Variants in SMTN observed in about 807,000 individuals in gnomAD.
SMTN encodes smoothelin.
In SMTN, 58 loss-of-function variants were observed where a neutral mutation model predicts 102.0. The ratio of observed to expected loss-of-function variants is 0.57; its 90% CI spans 0.46 to 0.71. The LOEUF is 0.71. Among genes scored for constraint, SMTN ranks in the 30% least tolerant of loss-of-function variants. The probability of loss-of-function intolerance (pLI) is 0.00; values close to 1 mark genes in which losing one functional copy is unlikely to be tolerated. For synonymous variants in SMTN, 478 were observed against 497.9 expected (o/e 0.96, Z 0.53); for missense variants, 1,185 against 1,241.7 (o/e 0.95, Z 0.69).
Position 31,068,104 on chromosome 22 carries a change from A to T in SMTN, c.-386+3917A>T, listed in dbSNP as rs2041904742. 5 of 152,142 alleles carry T rather than the reference A, an allele frequency of 3.3e-5. No individual in the cohort carries two copies. The South Asian group carries it at 1.0e-3, about 32-fold the overall frequency. The allele number at this position is 152,142 out of a possible 1,614,324, so 9.4% of individuals were successfully genotyped here. A position where few individuals can be genotyped will look rare whatever the true frequency, so the allele number is the denominator to read the frequency against. On this transcript the variant is annotated intron_variant, in intron 1 of 3. Coordinates refer to the SMTN transcript ENST00000422839. Reference sequence around the variant, plus strand: ...TGGATCACCTGAAGTCAGGAGTTTGAGACCAACGGGCCAATATGGTGAAAC... The same window carrying T: ...TGGATCACCTGAAGTCAGGAGTTTGTGACCAACGGGCCAATATGGTGAAAC...
At chr22:31,094,904 T>C (rs1052613585) in intron 11 of SMTN, among the ~76,000 whole-genome samples, 2 of 152,142 alleles carry the variant, frequency 1.3e-5, no homozygotes, top group African/African-American at 4.8e-5. Flanking sequence ...CAGGTTGGTC[T>C]CAAACTGCTG....
chr22:31,094,663 TG>T (rs747107406), intron 11 of SMTN, among the ~76,000 whole-genome samples: 1 of 79,362 alleles, frequency 1.3e-5, no homozygotes, highest in East Asian at 2.6e-4. Context: ...TTTCCCCTTC[TG>T]TTTTTTTTTT....
chr22:31,085,015 G>A (rs2042573503), intron 2 of SMTN: 2 of 1,496,008 alleles, frequency 1.3e-6, no homozygotes, highest in Non-Finnish European at 1.8e-6. Context: ...CCGATTTGGG[G>A]ACGCGGGCAG....
At chr22:31,098,578 C>A in intron 16 of SMTN, 89 bp from the exon 17 acceptor site, 1 of 1,240,322 alleles carries the variant, frequency 8.1e-7, no homozygotes, top group Non-Finnish European at 1.1e-6. Flanking sequence ...TAGTGTGCTA[C>A]AAGACCCCCC....
At position 31,095,468 on chromosome 22, in the gene SMTN, C is replaced by A; in HGVS notation, c.1785+13C>A. 1 of 1,614,224 alleles carries A rather than the reference C, an allele frequency of 6.2e-7. No individual in the cohort carries two copies. The highest frequency in any genetic ancestry group is 8.5e-7 in the Non-Finnish European group (1 of 1,180,028). On this transcript the variant is annotated intron_variant, in intron 12 of 20. Transcript: ENST00000333137. The surrounding 1 kb of genome is among the most constrained non-coding windows in gnomAD (Gnocchi z 4.1). ...CTTGGACAAGATGGTATAGCCAGAT[C>A]CGGTGGGCTGGGGGTTGGCAGAGGC...
In SMTN at chr22:31,095,805, G is replaced by A; in HGVS notation, c.1861+196G>A. On this transcript the variant is annotated intron_variant, in intron 13 of 20. Coordinates refer to ENST00000333137, the MANE Select transcript of SMTN (RefSeq NM_134269.3). The surrounding 1 kb of genome is among the most constrained non-coding windows in gnomAD (Gnocchi z 4.1). ...CTTCCCTAGCTCCTTCTCTCCCGCT[G>A]GTGACCCCAGTTATTCTCCCCAACC... 1.7e-6 allele frequency: 1 copy of A among 599,208 alleles called. No homozygotes were observed. Among genetic ancestry groups the A allele is most frequent in the Non-Finnish European group, 3.0e-6 (1 of 338,306 alleles). 37.1% of individuals were successfully genotyped at this position (599,208 alleles called of 1,614,324 possible).
At chr22:31,088,486 G>A (rs192244815) in intron 3 of SMTN, 27 bp from the exon 4 acceptor site, 6 of 1,597,786 alleles carry the variant, frequency 3.8e-6, no homozygotes, top group Admixed American at 1.7e-5. Flanking sequence ...CATGGCAGTG[G>A]TGGTTACAGT....
At chr22:31,078,039 A>G (rs1415030738), upstream of SMTN, among the ~76,000 whole-genome samples, 1 of 152,174 alleles carries the variant, frequency 6.6e-6, no homozygotes, top group Non-Finnish European at 1.5e-5. Context: ...GGTCGTCACA[A>G]TCCTACTTCC....
chr22:31,080,925 G>A (rs2042265194), upstream of SMTN, among the ~76,000 whole-genome samples: 1 of 152,172 alleles, frequency 6.6e-6, no homozygotes, highest in Non-Finnish European at 1.5e-5. Flanking sequence ...CTTAAACACT[G>A]ACGCGAGAAA....
chr22:31,100,154 A>G (rs1569269217), intron 19 of SMTN, among the ~76,000 whole-genome samples: 1 of 149,756 alleles, frequency 6.7e-6, no homozygotes, highest in South Asian at 2.2e-4. Context: ...GGCCCTGTCC[A>G]TATCCCCTCC....
At chr22:31,099,200 G>T in intron 18 of SMTN, 21 bp downstream of exon 18, 1 of 1,553,954 alleles carries the variant, frequency 6.4e-7, no homozygotes. Flanking sequence ...GGAGGCCAGG[G>T]GGCCTGGAGG....
rs764758997 is a variant in SMTN at position 31,095,748 on chromosome 22, C to T, written c.1861+139C>T. ...TCTCCTTCTCTAGACCCAGCAGTTCCCTTGGCTATTCCCTGCTGGATCCAG... is the reference window on the plus strand; with the variant it reads ...TCTCCTTCTCTAGACCCAGCAGTTCTCTTGGCTATTCCCTGCTGGATCCAG... On this transcript the variant is annotated intron_variant, in intron 13 of 20. Coordinates refer to ENST00000333137, the MANE Select transcript of SMTN (RefSeq NM_134269.3). This position sits in a 1 kb window ranked among gnomAD's most constrained non-coding sequence, Gnocchi z 4.1. 3 of 701,146 alleles carry T rather than the reference C, an allele frequency of 4.3e-6. No individual in the cohort carries two copies. The highest frequency in any genetic ancestry group is 7.1e-6 in the Non-Finnish European group (3 of 421,046). 43.4% of individuals were successfully genotyped at this position (701,146 alleles called of 1,614,324 possible). A position where few individuals can be genotyped will look rare whatever the true frequency, so the allele number is the denominator to read the frequency against.
At chr22:31,076,470 CT>C (rs2042132981), upstream of SMTN, among the ~76,000 whole-genome samples, 1 of 152,246 alleles carries the variant, frequency 6.6e-6, no homozygotes, top group South Asian at 2.1e-4. Context: ...GGACAAATGA[CT>C]TCCCCTCTCT....
intron 20 of SMTN, chr22:31,103,480 C>T (rs1472303836): frequency 6.6e-6 from 1 of 152,252 alleles, no homozygotes; most frequent in Non-Finnish European, 1.5e-5. Context: ...TTTGCCAACA[C>T]CCAGAACTGG....
rs768489434 is a variant in SMTN at position 31,089,830 on chromosome 22, A to G, written c.603A>G (p.Ser201=). Residue 201 remains serine, a synonymous_variant, in exon 7 of 21, where the codon TCA becomes TCG. Coordinates refer to ENST00000333137, the MANE Select transcript of SMTN (RefSeq NM_134269.3). ...CCCCACCTGGGAGCACATCCAGCTC[A>G]CCTGCCTCACCCAGCAGTTCACCCA... The part of the protein sequence containing the change: ...LRAPPGSTSS[S]PASPSSSPTP... 7 of 1,613,136 alleles carry G rather than the reference A, an allele frequency of 4.3e-6. No individual in the cohort carries two copies. The highest frequency in any genetic ancestry group is 5.9e-6 in the Non-Finnish European group (7 of 1,179,780).
chr22:31,094,841 C>T (rs1192445823), intron 11 of SMTN, among the ~76,000 whole-genome samples: 1 of 152,082 alleles, frequency 6.6e-6, no homozygotes, highest in East Asian at 1.9e-4. Context: ...ACCACCATGC[C>T]TAGCTAATTT....
At position 31,095,663 on chromosome 22, in the gene SMTN, C is replaced by T; in HGVS notation, c.1861+54C>T. 1 of 1,493,256 alleles carries T rather than the reference C, an allele frequency of 6.7e-7. No homozygotes were observed. Among genetic ancestry groups the T allele is most frequent in the Non-Finnish European group, 9.2e-7 (1 of 1,090,362 alleles). 92.5% of individuals were successfully genotyped at this position (1,493,256 alleles called of 1,614,324 possible). A position where few individuals can be genotyped will look rare whatever the true frequency, so the allele number is the denominator to read the frequency against. On this transcript the variant is annotated intron_variant, in intron 13 of 20. Transcript: ENST00000333137. The surrounding 1 kb of genome is among the most constrained non-coding windows in gnomAD (Gnocchi z 4.1). ...CCAGCTGCCCCATTCCCCAGCTGCT[C>T]CCCTCATACTCTGGGGTCCATTTGT...
chr22:31,084,901 C>G, intron 2 of SMTN: 1 of 1,255,180 alleles, frequency 8.0e-7, no homozygotes, highest in South Asian at 1.9e-5. Context: ...CCGCTGGCCT[C>G]GTGGCAAGAA....
At chr22:31,084,285 TAA>T (rs1292903331) in intron 2 of SMTN, among the ~76,000 whole-genome samples, 1 of 152,190 alleles carries the variant, frequency 6.6e-6, no homozygotes, top group African/African-American at 2.4e-5. Flanking sequence ...GGGGGTAAAT[TAA>T]AGATTTACTT....
Sources: gnomAD v4.1 joint callset for allele counts (sites outside exome capture counted in the v4.1 genomes callset) on GRCh38, gnomAD v4.1.1 for gene constraint, Gnocchi (gnomAD v3.1) non-coding constraint, MANE v1.5 for transcripts, NCBI Gene and HGNC (gene_info 2026-07-23, HGNC 2026-07-21) for gene names.